The following USP9X variants were observed in gnomAD, a reference collection of about 807,000 sequenced individuals.
USP9X encodes ubiquitin specific peptidase 9 X-linked, also known as ubiquitin carboxyl-terminal hydrolase 9X.
In USP9X, 7 loss-of-function variants were observed where a neutral mutation model predicts 190.3. That is an observed-to-expected ratio of 0.04 (90% CI 0.02 to 0.07). USP9X has a LOEUF of 0.07. Among genes scored for constraint, USP9X ranks in the 10% least tolerant of loss-of-function variants. USP9X has a pLI of 1.00. For synonymous variants in USP9X, 645 were observed against 659.5 expected, an observed-to-expected ratio of 0.98 and a Z score of 0.34; for missense variants, 1,010 against 1,916.9, an observed-to-expected ratio of 0.53 and a Z score of 8.83.
chrX:41,176,445 A>C (rs905842594), intron 21 of USP9X, among the ~76,000 whole-genome samples: 1 of 111,792 alleles, frequency 8.9e-6, no homozygotes, highest in African/African-American at 3.3e-5. Context: ...CAAAACCAGT[A>C]CAGAGGAAAT....
chrX:41,217,816 G>A (rs780821814), intron 36 of USP9X, among the ~76,000 whole-genome samples: 2 of 111,621 alleles, frequency 1.8e-5, no homozygotes, highest in South Asian at 7.5e-4. Flanking sequence ...CTGGAGCCTG[G>A]GAGGTTGAAG....
chrX:41,205,718 ATAT>A (rs771976977), intron 32 of USP9X, among the ~76,000 whole-genome samples: 32 of 107,364 alleles, frequency 3.0e-4, no homozygotes, highest in Non-Finnish European at 3.5e-4. Context: ...TCTCTTAACC[ATAT>A]TATTAACTTT....
At chrX:41,107,845 T>C (rs185711820) in intron 1 of USP9X, among the ~76,000 whole-genome samples, 435 of 112,407 alleles carry the variant, frequency 3.9e-3, no homozygotes, top group Non-Finnish European at 5.1e-3. Flanking sequence ...TTGGTTCTTT[T>C]TGTTGTTAAA....
intron 1 of USP9X, among the ~76,000 whole-genome samples, chrX:41,115,238 AAAAG>A (rs2062139405): frequency 1.4e-5 from 1 of 70,174 alleles, no homozygotes; most frequent in African/African-American, 4.4e-5. Context: ...AAAAAAAAGA[AAAAG>A]AAAAAAAAAA....
chrX:41,117,733 G>A (rs1300718913), intron 1 of USP9X, among the ~76,000 whole-genome samples: 3 of 105,955 alleles, frequency 2.8e-5, no homozygotes, highest in African/African-American at 1.0e-4. Flanking sequence ...GCCCGCTATT[G>A]TATGTTTATT....
intron 1 of USP9X, among the ~76,000 whole-genome samples, chrX:41,094,882 A>T (rs1331416934): frequency 1.8e-5 from 2 of 108,857 alleles, no homozygotes; most frequent in Non-Finnish European, 3.8e-5. Flanking sequence ...TCTACTAAAA[A>T]TATGAAAATT....
chrX:41,089,030 A>T (rs967925637), intron 1 of USP9X, among the ~76,000 whole-genome samples: 4 of 112,362 alleles, frequency 3.6e-5, no homozygotes, highest in Non-Finnish European at 7.5e-5. Flanking sequence ...TTGGTCTGAT[A>T]GGGAGCCTGG....
intron 10 of USP9X, among the ~76,000 whole-genome samples, chrX:41,144,219 A>AT (rs1261925220): frequency 1.7e-5 from 1 of 57,334 alleles, no homozygotes; most frequent in Non-Finnish European, 3.5e-5. Context: ...ATAATGTTAG[A>AT]ATTTTTTTTT....
In USP9X at chrX:41,123,659, G is replaced by A. The variant is rs996594976; in HGVS notation, c.31G>A (p.Gly11Arg). 1 of 1,211,702 alleles carries A rather than the reference G, an allele frequency of 8.3e-7. No individual in the cohort carries two copies. Among genetic ancestry groups the A allele is most frequent in the Non-Finnish European group, 1.1e-6 (1 of 895,409 alleles). Reference sequence around the variant, plus strand: ...AGCCACGACTCGTGGCTCTCCGGTCGGAGGGAATGACAACCAGGGCCAGGC... The same window carrying A: ...AGCCACGACTCGTGGCTCTCCGGTCAGAGGGAATGACAACCAGGGCCAGGC... Reference protein sequence around the residue: MTATTRGSPVGGNDNQGQAPD... With the variant: MTATTRGSPVRGNDNQGQAPD... Residue 11 changes from glycine to arginine, a missense_variant, in exon 2 of 45, where the codon GGA becomes AGA. This residue lies in a region of USP9X where 176 missense variants were observed against 247.5 expected (regional missense o/e 0.71). Transcript: ENST00000378308.
intron 21 of USP9X, among the ~76,000 whole-genome samples, chrX:41,173,432 TAA>T (rs2062745136): frequency 8.9e-6 from 1 of 112,253 alleles, no homozygotes; most frequent in South Asian, 3.7e-4. Flanking sequence ...AAAAATTTTT[TAA>T]ATGTATTTTT....
intron 1 of USP9X, among the ~76,000 whole-genome samples, chrX:41,117,375 T>C (rs947917701): frequency 1.8e-5 from 2 of 111,424 alleles, no homozygotes; most frequent in Non-Finnish European, 3.8e-5. Context: ...CTGATTTGTG[T>C]ATAGATGGTT....
chrX:41,130,704 T>G (rs1482380356), intron 3 of USP9X, among the ~76,000 whole-genome samples: 2 of 103,039 alleles, frequency 1.9e-5, no homozygotes, highest in Non-Finnish European at 4.0e-5. Context: ...CAGGATGGTC[T>G]TGATCTCTTT....
rs2062911436 is a variant in USP9X at position 41,189,420 on chromosome X, A to G, written c.3922A>G (p.Lys1308Glu). 8.3e-7 allele frequency: 1 copy of G among 1,209,890 alleles called. No individual in the cohort carries two copies. The stretch of plus-strand genomic sequence containing the variant: ...TCCAACAGCCTTAGATGCTCTTAGT[A>G]AAGAAAAGGCTTGGCAGACATTCAT... ...LIPTALDALS[K>E]EKAWQTFIID... Residue 1308 changes from lysine (K) to glutamate (E), a missense_variant, in exon 26 of 45, where the codon AAA becomes GAA. Around this residue, in one of 11 missense-constraint regions of USP9X, gnomAD observed 351 missense variants for 480.8 expected, o/e 0.73. Transcript: ENST00000378308.
chrX:41,167,388 T>C lies in USP9X; in HGVS notation c.2329-94T>C, dbSNP rs775029245. 8 of 623,391 alleles carry C rather than the reference T, an allele frequency of 1.3e-5. No homozygotes were observed. In the South Asian group the frequency reaches 1.9e-4, roughly 15 times the overall value. The allele number at this position is 623,391 out of a possible 1,213,427, so 51.4% of individuals were successfully genotyped here. A position where few individuals can be genotyped will look rare whatever the true frequency, so the allele number is the denominator to read the frequency against. On this transcript the variant is annotated intron_variant, in intron 16 of 44. Coordinates refer to ENST00000378308, the MANE Select transcript of USP9X (RefSeq NM_001039591.3). Reference sequence around the variant, plus strand: ...AACTTACCATTAAATCATTGAATAGTGTGTTTAAGATAACTGAGGATATGG... The same window carrying C: ...AACTTACCATTAAATCATTGAATAGCGTGTTTAAGATAACTGAGGATATGG...
At position 41,153,100 on chromosome X, in the gene USP9X, A is replaced by G. The variant is rs1304805559; in HGVS notation, c.1897+19A>G. 2 of 1,181,690 alleles carry G rather than the reference A, an allele frequency of 1.7e-6. No individual in the cohort carries two copies. The highest frequency in any genetic ancestry group is 3.9e-5 in the South Asian group (2 of 51,696). On this transcript the variant is annotated intron_variant, in intron 14 of 44. Transcript: ENST00000378308. ...GCTAGAGGTATGTATTGTAAGCTAA[A>G]ATAAACTATGGGAAATAGCAGGGAC...
intron 44 of USP9X, among the ~76,000 whole-genome samples, chrX:41,230,955 T>G (rs192733042): frequency 8.9e-6 from 1 of 111,856 alleles, no homozygotes; most frequent in Non-Finnish European, 1.9e-5. Flanking sequence ...TATTAAGATA[T>G]GGCAATGAAG....
intron 30 of USP9X, 130 bp from the exon 31 acceptor site, chrX:41,200,930 C>A: frequency 1.6e-6 from 1 of 623,603 alleles, no homozygotes; most frequent in Non-Finnish European, 2.5e-6. Flanking sequence ...CAGAACACTG[C>A]TTCAGGTTGC....
intron 11 of USP9X, 56 bp downstream of exon 11, chrX:41,144,682 T>A: frequency 1.0e-6 from 1 of 959,384 alleles, no homozygotes. Flanking sequence ...ATTGATTAAT[T>A]AGATCTGTGA....
At chrX:41,218,302 A>T in intron 36 of USP9X, 70 bp from the exon 37 acceptor site, 1 of 1,051,530 alleles carries the variant, frequency 9.5e-7, no homozygotes, top group Non-Finnish European at 1.3e-6. Flanking sequence ...TGGTTCAATG[A>T]GACTCATCCT....
Sources: allele counts gnomAD v4.1 joint callset (sites outside exome capture counted in the v4.1 genomes callset), GRCh38; gene constraint gnomAD v4.1.1; regional missense constraint gnomAD v4.1.1; transcripts MANE v1.5; gene names NCBI Gene and HGNC (gene_info 2026-07-23, HGNC 2026-07-21).